The following FGF17 variants were observed in gnomAD, a reference collection of about 807,000 sequenced individuals.
FGF17 encodes fibroblast growth factor 17.
A neutral mutation model predicts 23.5 loss-of-function variants in FGF17; 5 were observed. The observed-to-expected ratio is 0.21, with a 90% CI of 0.11 to 0.45. The LOEUF (loss-of-function observed/expected upper bound fraction) is 0.45, where lower values mean the gene tolerates loss of function less well. FGF17 is among the 20% of genes least tolerant of loss of function. The pLI, the probability that FGF17 is intolerant of heterozygous loss-of-function variation, is 0.99. For missense variants in FGF17, 221 were observed against 306.9 expected (o/e 0.72, Z 2.09); for synonymous variants, 136 against 123.0 (o/e 1.11, Z -0.70).
intron 2 of FGF17, among the ~76,000 whole-genome samples, chr8:22,044,404 G>T (rs996696196): frequency 1.3e-5 from 2 of 152,000 alleles, no homozygotes; most frequent in African/African-American, 4.8e-5. Flanking sequence ...GCTAGGTCCC[G>T]CGGGGAGAGG....
At chr8:22,042,496 C>A (rs1042774465), upstream of FGF17, 6 of 247,720 alleles carry the variant, frequency 2.4e-5, no homozygotes, top group Non-Finnish European at 4.7e-5. Flanking sequence ...AGGGCTCCCC[C>A]TCCCTGACCT....
rs1343592788 is a variant in FGF17 at position 22,046,189 on chromosome 8, C to A, written c.148C>A (p.Arg50=). 2 of 1,614,094 alleles carry A rather than the reference C, an allele frequency of 1.2e-6. No individual in the cohort carries two copies. Among genetic ancestry groups the A allele is most frequent in the Non-Finnish European group, 1.7e-6 (2 of 1,180,036 alleles). ...QGAMTDQLSR[R]QIREYQLYSR... The stretch of plus-strand genomic sequence containing the variant: ...CGCCATGACCGACCAGCTGAGCAGG[C>A]GGCAGATCCGCGAGTACCAACTCTA... The change falls in exon 3 of 5, where the codon CGG becomes AGG. Residue 50 remains arginine, a synonymous_variant. Coordinates refer to ENST00000359441, the MANE Select transcript of FGF17 (RefSeq NM_003867.4).
rs762037141 is a variant in FGF17 at position 22,046,173 on chromosome 8, C to G, written c.132C>G (p.Thr44=). 6.8e-6 allele frequency: 11 copies of G among 1,614,046 alleles called. No individual in the cohort carries two copies. Among genetic ancestry groups the G allele is most frequent in the Non-Finnish European group, 9.3e-6 (11 of 1,180,050 alleles). ...NQYVRDQGAM[T]DQLSRRQIRE... ...ACGTGAGGGACCAGGGCGCCATGAC[C>G]GACCAGCTGAGCAGGCGGCAGATCC... The change falls in exon 3 of 5, where the codon ACC becomes ACG. Residue 44 remains threonine (T), a synonymous_variant. Transcript: ENST00000359441.
chr8:22,045,588 T>C, intron 2 of FGF17: 1 of 1,006,038 alleles, frequency 9.9e-7, no homozygotes, highest in South Asian at 4.3e-5. Flanking sequence ...TGCTCTCTGG[T>C]GACCCTAACT....
At chr8:22,042,569 G>A (rs1585532244), upstream of FGF17, 10 of 486,812 alleles carry the variant, frequency 2.1e-5, no homozygotes, top group East Asian at 3.7e-4. Context: ...AATAGAGCAG[G>A]AGACAGCAGG....
At chr8:22,040,218 C>T (rs927336807), upstream of FGF17, among the ~76,000 whole-genome samples, 6 of 152,336 alleles carry the variant, frequency 3.9e-5, no homozygotes, top group Admixed American at 6.5e-5. Context: ...TCTCAGCTGA[C>T]GTGGATGGCG....
At position 22,044,760 on chromosome 8, in the gene FGF17, G is replaced by A; in HGVS notation, c.73-1354G>A. On this transcript the variant is annotated intron_variant, in intron 2 of 4. Transcript: ENST00000359441. ...AATTGGAAATGAGCAACGGTGCACA[G>A]TAAGTGTTAACCCCGCGCAGGTTAA... The A allele has an allele frequency of 1.0e-5, 10 of 985,462 alleles. No homozygotes were observed. In the South Asian group the frequency reaches 1.4e-4, roughly 14 times the overall value. 61.0% of individuals were successfully genotyped at this position (985,462 alleles called of 1,614,324 possible). A position where few individuals can be genotyped will look rare whatever the true frequency, so the allele number is the denominator to read the frequency against.
intron 4 of FGF17, among the ~76,000 whole-genome samples, chr8:22,047,042 C>G (rs1311435005): frequency 6.6e-6 from 1 of 151,304 alleles, no homozygotes; most frequent in African/African-American, 2.4e-5. Context: ...CCACCTCAGC[C>G]TCCCAAAGTG....
chr8:22,043,806 C>T lies in FGF17; in HGVS notation c.72+625C>T, dbSNP rs1017757510. Among the ~76,000 whole-genome samples the T allele has an allele frequency of 5.4e-5, 8 of 148,702 alleles. No individual in the cohort carries two copies. The South Asian group carries it at 6.5e-4, about 12-fold the overall frequency. On this transcript the variant is annotated intron_variant, in intron 2 of 4. Coordinates refer to ENST00000359441, the MANE Select transcript of FGF17 (RefSeq NM_003867.4). ...CACCCCCAAGTCTCAGCCCCCAGTGCGAGGCTTGCTCCCTTTTTTGTGATC... is the reference window on the plus strand; with the variant it reads ...CACCCCCAAGTCTCAGCCCCCAGTGTGAGGCTTGCTCCCTTTTTTGTGATC...
chr8:22,046,768 C>G (rs1800879554), intron 4 of FGF17, 135 bp downstream of exon 4: 3 of 644,830 alleles, frequency 4.7e-6, no homozygotes, highest in Non-Finnish European at 8.1e-6. Flanking sequence ...TCTCAGCCCA[C>G]CCACTGGGCC....
intron 2 of FGF17, chr8:22,045,279 T>C: frequency 1.0e-6 from 1 of 985,836 alleles, no homozygotes; most frequent in Non-Finnish European, 1.2e-6. Context: ...TCTGTTACAT[T>C]GTGGCTAAGG....
chr8:22,048,250 T>A lies in FGF17; in HGVS notation c.*1T>A. On this transcript the variant is annotated 3_prime_UTR_variant, in exon 5 of 5. Coordinates refer to ENST00000359441, the MANE Select transcript of FGF17 (RefSeq NM_003867.4). The surrounding 1 kb of genome is among the most constrained non-coding windows in gnomAD (Gnocchi z 6.9). ...ACGGCGGCCCCAGCCCCTCACGTAGTCTGGGAGGCAGGGGGCAGCAGCCCC... is the reference window on the plus strand; with the variant it reads ...ACGGCGGCCCCAGCCCCTCACGTAGACTGGGAGGCAGGGGGCAGCAGCCCC... 1 of 1,596,980 alleles carries A rather than the reference T, an allele frequency of 6.3e-7. No individual in the cohort carries two copies. Among genetic ancestry groups the A allele is most frequent in the Non-Finnish European group, 8.5e-7 (1 of 1,171,138 alleles).
intron 2 of FGF17, chr8:22,045,776 G>A: frequency 8.1e-7 from 1 of 1,233,326 alleles, no homozygotes. Flanking sequence ...AATGAGCTGT[G>A]TGCCCCGTGC....
chr8:22,041,288 G>T (rs1272894275), upstream of FGF17, among the ~76,000 whole-genome samples: 2 of 152,250 alleles, frequency 1.3e-5, no homozygotes, highest in Admixed American at 6.5e-5. Flanking sequence ...ACTGGTCAGT[G>T]CATGGGGGCA....
At chr8:22,043,914 C>T (rs1251346246) in intron 2 of FGF17, among the ~76,000 whole-genome samples, 1 of 152,162 alleles carries the variant, frequency 6.6e-6, no homozygotes, top group Non-Finnish European at 1.5e-5. Flanking sequence ...GGCCAGAGGC[C>T]CGCTTCTCTT....
At chr8:22,046,689 TA>T (rs1800876773) in intron 4 of FGF17, 56 bp downstream of exon 4, 2 of 1,236,236 alleles carry the variant, frequency 1.6e-6, no homozygotes, top group Admixed American at 3.5e-5. Flanking sequence ...GGTGGGGACA[TA>T]TAGGGCATCA....
upstream of FGF17, among the ~76,000 whole-genome samples, chr8:22,042,079 T>C (rs1800748036): frequency 6.6e-6 from 1 of 152,206 alleles, no homozygotes; most frequent in Non-Finnish European, 1.5e-5. Flanking sequence ...CCTGAGGCAT[T>C]ACTGTCCTCA....
Position 22,042,974 on chromosome 8 carries a change from T to C in FGF17, c.35+11T>C. The C allele has an allele frequency of 6.2e-7, 1 of 1,612,806 alleles. No homozygotes were observed. The highest frequency in any genetic ancestry group is 8.5e-7 in the Non-Finnish European group (1 of 1,179,500). On this transcript the variant is annotated intron_variant, in intron 1 of 4. Coordinates refer to ENST00000359441, the MANE Select transcript of FGF17 (RefSeq NM_003867.4). ...GCCCAACCTCACTCTGTAAGTGTGC[T>C]ACCTCTCCCACTGGAGTTTCGTTGC...
upstream of FGF17, chr8:22,042,760 T>A: frequency 3.8e-5 from 20 of 519,636 alleles, no homozygotes; most frequent in Middle Eastern, 4.1e-4. Flanking sequence ...CTCCCCCTCC[T>A]CCTCCCTCTT....
Sources: allele counts gnomAD v4.1 joint callset (sites outside exome capture counted in the v4.1 genomes callset), GRCh38; gene constraint gnomAD v4.1.1; non-coding constraint Gnocchi (gnomAD v3.1); transcripts MANE v1.5; gene names NCBI Gene and HGNC (gene_info 2026-07-23, HGNC 2026-07-21).